The following UNC5D variants were observed in gnomAD, a reference collection of about 807,000 sequenced individuals.
The protein encoded by UNC5D is netrin receptor UNC5D.
UNC5D carries 39 observed loss-of-function variants against 105.4 expected under a neutral mutation model. The ratio of observed to expected loss-of-function variants is 0.37; its 90% CI spans 0.29 to 0.48. The LOEUF (loss-of-function observed/expected upper bound fraction) is 0.48, where lower values mean the gene tolerates loss of function less well. UNC5D is among the 20% of genes least tolerant of loss of function. The probability of loss-of-function intolerance (pLI) is 0.98; values close to 1 mark genes in which losing one functional copy is unlikely to be tolerated. For synonymous variants in UNC5D, 452 were observed against 450.4 expected (o/e 1.00, Z -0.04); for missense variants, 991 against 1,202.4 (o/e 0.82, Z 2.60).
chr8:35,651,427 A>C (rs1823394724), intron 4 of UNC5D, among the ~76,000 whole-genome samples: 1 of 152,248 alleles, frequency 6.6e-6, no homozygotes, highest in Non-Finnish European at 1.5e-5. Context: ...CTAGCAGCAA[A>C]GTGAGAGAGG....
intron 4 of UNC5D, among the ~76,000 whole-genome samples, chr8:35,653,895 G>A (rs1333199344): frequency 6.6e-6 from 1 of 151,874 alleles, no homozygotes; most frequent in Non-Finnish European, 1.5e-5. Flanking sequence ...CTGATACTTT[G>A]TTGTCTCTGC....
At chr8:35,782,357 G>T (rs1272434668) in intron 16 of UNC5D, among the ~76,000 whole-genome samples, 5 of 152,058 alleles carry the variant, frequency 3.3e-5, no homozygotes, top group Admixed American at 6.6e-5. Context: ...TGATAGCAGA[G>T]ATATTAATAT....
chr8:35,479,788 G>C (rs1383268785), intron 1 of UNC5D, among the ~76,000 whole-genome samples: 1 of 152,114 alleles, frequency 6.6e-6, no homozygotes, highest in East Asian at 1.9e-4. Flanking sequence ...TCAGGGAAGG[G>C]AGAGAACATA....
At chr8:35,626,193 C>CTT (rs751967469) in intron 4 of UNC5D, among the ~76,000 whole-genome samples, 29 of 137,266 alleles carry the variant, frequency 2.1e-4, no homozygotes, top group Non-Finnish European at 3.6e-4. Flanking sequence ...GCCACTCAGA[C>CTT]TTTTTTTTTT....
At chr8:35,298,218 G>A (rs2056768) in intron 1 of UNC5D, among the ~76,000 whole-genome samples, 124,641 of 152,028 alleles carry the variant, frequency 0.82, 51,555 homozygotes, top group East Asian at 1. Context: ...CACCCCCATA[G>A]TCCCTGGCTC....
chr8:35,398,908 C>T (rs1804268124), intron 1 of UNC5D, among the ~76,000 whole-genome samples: 1 of 152,004 alleles, frequency 6.6e-6, no homozygotes, highest in African/African-American at 2.4e-5. Context: ...GTAATCCTAA[C>T]ACTTTGGGAG....
chr8:35,601,721 A>C (rs1352559179), intron 4 of UNC5D, among the ~76,000 whole-genome samples: 1 of 152,098 alleles, frequency 6.6e-6, no homozygotes, highest in East Asian at 1.9e-4. Flanking sequence ...GGATTTTCTA[A>C]ATATACAGTC....
chr8:35,790,363 T>A lies in UNC5D; in HGVS notation c.2662T>A (p.Leu888Ile). 1 of 1,613,810 alleles carries A rather than the reference T, an allele frequency of 6.2e-7. No individual in the cohort carries two copies. The highest frequency in any genetic ancestry group is 8.5e-7 in the Non-Finnish European group (1 of 1,179,808). The change falls in exon 17 of 17, where the codon TTA (leucine) becomes ATA (isoleucine). Residue 888 changes from leucine (L) to isoleucine (I), a missense_variant. By Grantham distance (5) the Leu-to-Ile change is conservative. Transcript: ENST00000404895. The stretch of plus-strand genomic sequence containing the variant: ...TGTTTAACTCTCTCCATCTAGGAAT[T>A]TATCTTATTTCGCTACACAAAGTAG... ...LAQKNSINRN[L>I]SYFATQSSPS...
chr8:35,243,599 G>A (rs897235794), intron 1 of UNC5D, among the ~76,000 whole-genome samples: 1 of 152,212 alleles, frequency 6.6e-6, no homozygotes, highest in Non-Finnish European at 1.5e-5. Flanking sequence ...AGAATGATCC[G>A]AAGTTCAGGA....
At chr8:35,292,978 A>G (rs948106001) in intron 1 of UNC5D, among the ~76,000 whole-genome samples, 4 of 152,134 alleles carry the variant, frequency 2.6e-5, no homozygotes, top group Admixed American at 6.6e-5. Context: ...GTGAGCCACC[A>G]TGCCTGGCTG....
intron 4 of UNC5D, among the ~76,000 whole-genome samples, chr8:35,663,217 G>A (rs145852839): frequency 1.2e-4 from 19 of 152,316 alleles, no homozygotes; most frequent in African/African-American, 2.4e-4. Flanking sequence ...ATGCACACCA[G>A]ATCTACTGCT....
intron 1 of UNC5D, among the ~76,000 whole-genome samples, chr8:35,292,168 G>T (rs1807116701): frequency 1.3e-5 from 2 of 152,140 alleles, no homozygotes; most frequent in African/African-American, 4.8e-5. Flanking sequence ...GATACAGTTC[G>T]ATTTTCCCAT....
chr8:35,250,921 T>A (rs1402939215), intron 1 of UNC5D, among the ~76,000 whole-genome samples: 1 of 152,138 alleles, frequency 6.6e-6, no homozygotes, highest in African/African-American at 2.4e-5. Context: ...CATGCAGTAT[T>A]TGGTTTTCTG....
chr8:35,268,295 C>G (rs1585453411), intron 1 of UNC5D, among the ~76,000 whole-genome samples: 1 of 140,544 alleles, frequency 7.1e-6, no homozygotes, highest in African/African-American at 2.6e-5. Context: ...AACAAAAAAA[C>G]CTGAAAAACG....
chr8:35,267,869 C>G (rs1037073101), intron 1 of UNC5D, among the ~76,000 whole-genome samples: 1 of 151,990 alleles, frequency 6.6e-6, no homozygotes, highest in African/African-American at 2.4e-5. Context: ...GGTTTGCTGA[C>G]CTTTTCTGTG....
At chr8:35,496,206 G>A (rs1479121139) in intron 1 of UNC5D, among the ~76,000 whole-genome samples, 1 of 152,178 alleles carries the variant, frequency 6.6e-6, no homozygotes, top group East Asian at 1.9e-4. Context: ...GGTAGAAGAG[G>A]TTGCACACAG....
intron 1 of UNC5D, among the ~76,000 whole-genome samples, chr8:35,520,730 A>T (rs528470873): frequency 3.9e-5 from 6 of 152,142 alleles, no homozygotes; most frequent in Non-Finnish European, 7.4e-5. Context: ...GATCTGAAAA[A>T]GAAAGAAAAA....
chr8:35,376,699 T>C (rs1028098552), intron 1 of UNC5D, among the ~76,000 whole-genome samples: 4 of 152,198 alleles, frequency 2.6e-5, no homozygotes, highest in Non-Finnish European at 5.9e-5. Flanking sequence ...CCCTCCTGTC[T>C]AGATAATGGA....
chr8:35,518,360 T>C (rs1019530963), intron 1 of UNC5D, among the ~76,000 whole-genome samples: 1 of 152,202 alleles, frequency 6.6e-6, no homozygotes, highest in African/African-American at 2.4e-5. Context: ...TACTTCTATG[T>C]ACTTGTAATA....
Sources: gnomAD v4.1 joint callset for allele counts (sites outside exome capture counted in the v4.1 genomes callset) on GRCh38, gnomAD v4.1.1 for gene constraint, MANE v1.5 for transcripts, NCBI Gene and HGNC (gene_info 2026-07-23, HGNC 2026-07-21) for gene names.